Variants in IL36RN observed in about 807,000 individuals in gnomAD.
IL36RN encodes the protein interleukin-36 receptor antagonist protein.
A neutral mutation model predicts 13.0 loss-of-function variants in IL36RN; 11 were observed. That is an observed-to-expected ratio of 0.85 (90% CI 0.53 to 1.40). The LOEUF (loss-of-function observed/expected upper bound fraction) is 1.40. Ranked by LOEUF, IL36RN falls within the 40% of genes most tolerant of loss-of-function variation. The pLI, the probability that IL36RN is intolerant of heterozygous loss-of-function variation, is 0.00. For missense variants in IL36RN, 195 were observed against 195.3 expected (o/e 1.00, Z 0.01); for synonymous variants, 94 against 84.1 (o/e 1.12, Z -0.64).
chr2:113,059,779 C>A (rs1409387820), intron 2 of IL36RN, among the ~76,000 whole-genome samples: 1 of 152,196 alleles, frequency 6.6e-6, no homozygotes, highest in Admixed American at 6.5e-5. Context: ...CCGCCATTGT[C>A]CCCCATCACA....
chr2:113,063,148 C>T lies in IL36RN; in HGVS notation c.*471C>T. On this transcript the variant is annotated 3_prime_UTR_variant, in exon 5 of 5. Coordinates refer to ENST00000393200, the MANE Select transcript of IL36RN (RefSeq NM_012275.3). ...CAGGGATCTATGGCCCTTGGCCCAG[C>T]CCCACCTCCTTCCCTTTAATCCTGC... is the stretch of plus-strand genomic sequence containing the variant. 1 of 242,494 alleles carries T rather than the reference C, an allele frequency of 4.1e-6. No individual in the cohort carries two copies. The highest frequency in any genetic ancestry group is 8.2e-6 in the Non-Finnish European group (1 of 122,622). The allele number at this position is 242,494 out of a possible 1,614,324, so 15.0% of individuals were successfully genotyped here.
In IL36RN at chr2:113,062,453, C is replaced by A. The variant is rs767374989; in HGVS notation, c.244C>A (p.Pro82Thr). 6.2e-6 allele frequency: 10 copies of A among 1,613,900 alleles called. No individual in the cohort carries two copies. The Admixed American group carries it at 1.3e-4, about 22-fold the overall frequency. Residue 82 changes from proline (P) to threonine (T), a missense_variant and splice_region_variant, in exon 5 of 5, where the codon CCA (proline) becomes ACA (threonine). By Grantham distance (38) the Pro-to-Thr change is conservative. Coordinates refer to ENST00000393200, the MANE Select transcript of IL36RN (RefSeq NM_012275.3). ...VGQEPTLTLE[P>T]VNIMELYLGA... Reference sequence around the variant, plus strand: ...CTGACCTCCCCTCCTCTGCCGGCAGCCAGTGAACATCATGGAGCTCTATCT... The same window carrying A: ...CTGACCTCCCCTCCTCTGCCGGCAGACAGTGAACATCATGGAGCTCTATCT...
chr2:113,059,572 A>G (rs1329956109), intron 2 of IL36RN, 105 bp downstream of exon 2: 18 of 1,318,426 alleles, frequency 1.4e-5, no homozygotes, highest in Middle Eastern at 2.5e-4. Flanking sequence ...AGGGGCTGCC[A>G]TTGCAGCTGG....
At chr2:113,059,094 G>C, upstream of IL36RN, 1 of 385,770 alleles carries the variant, frequency 2.6e-6, no homozygotes, top group South Asian at 2.9e-5. Context: ...GCGACTTAGG[G>C]TGATGTGAAA....
Position 113,062,514 on chromosome 2 carries a change from G to A in IL36RN, c.305G>A (p.Arg102Gln), listed in dbSNP as rs371819085. Residue 102 changes from arginine to glutamine, a missense_variant, in exon 5 of 5, where the codon CGG becomes CAG. Transcript: ENST00000393200. ...GAATCCAAGAGCTTCACCTTCTACCGGCGGGACATGGGGCTCACCTCCAGC... is the reference window on the plus strand; with the variant it reads ...GAATCCAAGAGCTTCACCTTCTACCAGCGGGACATGGGGCTCACCTCCAGC... ...AKESKSFTFY[R>Q]RDMGLTSSFE... is the part of the protein sequence containing the mutation. 7 of 1,613,968 alleles carry A rather than the reference G, an allele frequency of 4.3e-6. No individual in the cohort carries two copies. Among genetic ancestry groups the A allele is most frequent in the African/African-American group, 2.7e-5 (2 of 74,884 alleles).
chr2:113,059,500 C>T (rs1298057766), intron 2 of IL36RN, 33 bp downstream of exon 2: 2 of 1,612,960 alleles, frequency 1.2e-6, no homozygotes, highest in Admixed American at 1.7e-5. Flanking sequence ...TGGTGGTGTC[C>T]TCCGGAGGAA....
chr2:113,062,084 A>T, intron 3 of IL36RN, 40 bp from the exon 4 acceptor site: 1 of 1,608,634 alleles, frequency 6.2e-7, no homozygotes, highest in Admixed American at 1.7e-5. Context: ...AGAAGGAGGG[A>T]AAGGCATCCA....
rs187015338 is a variant in IL36RN at position 113,060,926 on chromosome 2, A to G, written c.104A>G (p.Lys35Arg). Residue 35 changes from lysine (K) to arginine (R), a missense_variant, in exon 3 of 5, where the codon AAG becomes AGG. Physicochemically the swap from Lys to Arg is conservative, Grantham distance 26 (BLOSUM62 2). Transcript: ENST00000393200. The part of the protein sequence containing the change: ...QLLAGGLHAG[K>R]VIKGEEISVV... ...CTAGCTGGAGGGCTGCATGCAGGGAAGGTCATTAAAGGTTGGTGATGAAAC... is the reference window on the plus strand; with the variant it reads ...CTAGCTGGAGGGCTGCATGCAGGGAGGGTCATTAAAGGTTGGTGATGAAAC... 171 of 1,613,602 alleles carry G rather than the reference A, an allele frequency of 1.1e-4. No individual in the cohort carries two copies. The highest frequency in any genetic ancestry group is 1.0e-4 in the Non-Finnish European group (119 of 1,179,522).
upstream of IL36RN, chr2:113,059,062 T>C (rs28938770): frequency 3.4e-3 from 1,101 of 323,864 alleles, 12 homozygotes; most frequent in African/African-American, 0.022. Flanking sequence ...CCACGACAGA[T>C]AATGAGCAGC....
Position 113,062,669 on chromosome 2 carries a change from T to C in IL36RN, c.460T>C (p.Cys154Arg). ...CATCACAGACTTCTACTTCCAGCAG[T>C]GTGACTAGGGCAACGTGCCCCCCAG... ...APITDFYFQQCD is the reference protein window; with the variant it reads ...APITDFYFQQRD Residue 154 changes from cysteine (C) to arginine (R), a missense_variant, in exon 5 of 5, where the codon TGT becomes CGT. By Grantham distance (180) the Cys-to-Arg change is radical (BLOSUM62 -3). Coordinates refer to ENST00000393200, the MANE Select transcript of IL36RN (RefSeq NM_012275.3). 6.2e-7 allele frequency: 1 copy of C among 1,610,708 alleles called. No individual in the cohort carries two copies. The highest frequency in any genetic ancestry group is 1.6e-4 in the Middle Eastern group (1 of 6,062).
At chr2:113,060,708 G>C (rs1685624576) in intron 2 of IL36RN, 144 bp from the exon 3 acceptor site, 1 of 710,312 alleles carries the variant, frequency 1.4e-6, no homozygotes, top group Non-Finnish European at 2.6e-6. Context: ...GCAGGGCTGG[G>C]AGACAAGGCT....
rs1461125140 is a variant in IL36RN, at chr2:113,062,853, C to T, written c.*176C>T. 2.9e-6 allele frequency: 2 copies of T among 679,400 alleles called. No homozygotes were observed. The highest frequency in any genetic ancestry group is 1.8e-5 in the African/African-American group (1 of 56,900). 42.1% of individuals were successfully genotyped at this position (679,400 alleles called of 1,614,324 possible). On this transcript the variant is annotated 3_prime_UTR_variant, in exon 5 of 5. Coordinates refer to ENST00000393200, the MANE Select transcript of IL36RN (RefSeq NM_012275.3). Reference sequence around the variant, plus strand: ...TTTGGATAAATTCTGAGATTTGGAGCTCAGTCCACGGTCCTCCCCCACTGG... The same window carrying T: ...TTTGGATAAATTCTGAGATTTGGAGTTCAGTCCACGGTCCTCCCCCACTGG...
At chr2:113,061,289 T>G (rs1344997034) in intron 3 of IL36RN, among the ~76,000 whole-genome samples, 1 of 152,138 alleles carries the variant, frequency 6.6e-6, no homozygotes, top group African/African-American at 2.4e-5. Context: ...TTTTTTCCCA[T>G]ATGGGAGTGG....
chr2:113,062,225 G>A lies in IL36RN; in HGVS notation c.217G>A (p.Gly73Arg), dbSNP rs763298401. The A allele has an allele frequency of 1.2e-6, 2 of 1,614,068 alleles. No individual in the cohort carries two copies. Among genetic ancestry groups the A allele is most frequent in the Middle Eastern group, 3.3e-4 (2 of 6,060 alleles). ...AAGCCAGTGCCTGTCATGTGGGGTGGGGCAGGAGCCGACTCTAACACTAGA... is the reference window on the plus strand; with the variant it reads ...AAGCCAGTGCCTGTCATGTGGGGTGAGGCAGGAGCCGACTCTAACACTAGA... ...GGSQCLSCGV[G>R]QEPTLTLEPV... is the part of the protein sequence containing the mutation. Residue 73 changes from glycine (G) to arginine (R), a missense_variant, in exon 4 of 5, where the codon GGG becomes AGG. Transcript: ENST00000393200.
At position 113,062,112 on chromosome 2, in the gene IL36RN, T is replaced by C. The variant is rs1685653641; in HGVS notation, c.116-12T>C. On this transcript the variant is annotated splice_polypyrimidine_tract_variant and intron_variant, in intron 3 of 4. Transcript: ENST00000393200. ...GGCATCCAGGGCCCTGCATCTGGCC[T>C]CTTTCCCACAGGTGAAGAGATCAGC... 1 of 1,613,798 alleles carries C rather than the reference T, an allele frequency of 6.2e-7. No individual in the cohort carries two copies. Among genetic ancestry groups the C allele is most frequent in the Non-Finnish European group, 8.5e-7 (1 of 1,179,826 alleles).
chr2:113,059,949 G>T (rs1311222635), intron 2 of IL36RN, among the ~76,000 whole-genome samples: 1 of 152,176 alleles, frequency 6.6e-6, no homozygotes. Context: ...AACAGAGGAT[G>T]AGAGTGGTCC....
upstream of IL36RN, chr2:113,059,123 T>C (rs775460278): frequency 2.2e-6 from 1 of 445,278 alleles, no homozygotes; most frequent in African/African-American, 2.0e-5. Context: ...GGAATCCTGC[T>C]CCTCCTCAGG....
intron 3 of IL36RN, among the ~76,000 whole-genome samples, chr2:113,061,667 T>C (rs962505366): frequency 2.6e-5 from 4 of 152,194 alleles, no homozygotes; most frequent in African/African-American, 9.7e-5. Context: ...TATGTGTGCA[T>C]GCATGTATCT....
Position 113,062,578 on chromosome 2 carries a change from G to A in IL36RN, c.369G>A (p.Thr123=), listed in dbSNP as rs28938778. The change falls in exon 5 of 5, where the codon ACG becomes ACA. Residue 123 remains threonine, a synonymous_variant. Transcript: ENST00000393200. The part of the protein sequence containing the change: ...SAAYPGWFLC[T]VPEADQPVRL... Reference sequence around the variant, plus strand: ...CCTACCCGGGCTGGTTCCTGTGCACGGTGCCTGAAGCCGATCAGCCTGTCA... The same window carrying A: ...CCTACCCGGGCTGGTTCCTGTGCACAGTGCCTGAAGCCGATCAGCCTGTCA... 6.8e-6 allele frequency: 11 copies of A among 1,613,830 alleles called. No individual in the cohort carries two copies. Among genetic ancestry groups the A allele is most frequent in the Admixed American group, 1.7e-5 (1 of 60,028 alleles).
Sources: gnomAD v4.1 joint callset for allele counts (sites outside exome capture counted in the v4.1 genomes callset) on GRCh38, gnomAD v4.1.1 for gene constraint, MANE v1.5 for transcripts, NCBI Gene and HGNC (gene_info 2026-07-23, HGNC 2026-07-21) for gene names.